The following PRKDC variants were observed in gnomAD, a reference collection of about 807,000 sequenced individuals.
PRKDC encodes protein kinase, DNA-activated, catalytic subunit, also known as DNA-dependent protein kinase catalytic subunit.
PRKDC carries 82 observed loss-of-function variants against 486.9 expected under a neutral mutation model. The ratio of observed to expected loss-of-function variants is 0.17; its 90% CI spans 0.14 to 0.20. PRKDC has a LOEUF of 0.20. Among genes scored for constraint, PRKDC ranks in the 10% least tolerant of loss-of-function variants. PRKDC has a pLI of 1.00. For missense variants in PRKDC, 4,504 were observed against 5,038.2 expected (o/e 0.89, Z 3.21); for synonymous variants, 1,895 against 1,837.0 (o/e 1.03, Z -0.81).
intron 56 of PRKDC, among the ~76,000 whole-genome samples, chr8:47,837,706 G>A (rs930388158): frequency 2.6e-5 from 4 of 151,366 alleles, no homozygotes; most frequent in Admixed American, 6.6e-5. Flanking sequence ...AGTTTTCAAC[G>A]ATGAGTACAT....
At chr8:47,943,915 A>G (rs773170114) in intron 8 of PRKDC, 32 bp from the exon 9 acceptor site, 34 of 1,576,968 alleles carry the variant, frequency 2.2e-5, no homozygotes, top group Non-Finnish European at 2.9e-5. Flanking sequence ...CACCATCAGT[A>G]TTTGAAAGTC....
chr8:47,893,096 C>A (rs1279891269), intron 31 of PRKDC, 43 bp downstream of exon 31: 2 of 1,514,322 alleles, frequency 1.3e-6, no homozygotes, highest in East Asian at 2.4e-5. Context: ...CAGGGTGACT[C>A]TGGCAGCACG....
intron 68 of PRKDC, among the ~76,000 whole-genome samples, chr8:47,814,543 A>C (rs193073338): frequency 7.2e-4 from 110 of 152,316 alleles, no homozygotes; most frequent in Middle Eastern, 6.8e-3. Context: ...GCAGCAAATA[A>C]TTGGAAAATA....
chr8:47,944,987 G>T (rs2090507447), intron 7 of PRKDC, among the ~76,000 whole-genome samples: 1 of 152,226 alleles, frequency 6.6e-6, no homozygotes, highest in Admixed American at 6.5e-5. Context: ...TTCTATAAAG[G>T]CTTTCCAGAT....
chr8:47,858,650 T>A lies in PRKDC; in HGVS notation c.6346-15A>T. ...GGCACTGAATCCTAAAATAAAACAT[T>A]CAAAATTACCTTAAAACGTGGAATA... is the stretch of plus-strand genomic sequence containing the variant. On this transcript the variant is annotated splice_polypyrimidine_tract_variant and intron_variant, in intron 47 of 85. Transcript: ENST00000314191. The A allele has an allele frequency of 6.7e-7, 1 of 1,488,700 alleles. No individual in the cohort carries two copies. The highest frequency in any genetic ancestry group is 8.9e-7 in the Non-Finnish European group (1 of 1,117,446). The allele number at this position is 1,488,700 out of a possible 1,614,324, so 92.2% of individuals were successfully genotyped here.
intron 54 of PRKDC, 34 bp downstream of exon 54, chr8:47,849,120 G>A: frequency 6.2e-7 from 1 of 1,606,898 alleles, no homozygotes; most frequent in African/African-American, 1.3e-5. Context: ...TTATGAGCCA[G>A]TGGGACCCAA....
chr8:47,852,357 C>T (rs2088428014), intron 52 of PRKDC, among the ~76,000 whole-genome samples: 1 of 152,084 alleles, frequency 6.6e-6, no homozygotes, highest in African/African-American at 2.4e-5. Flanking sequence ...CAATTTCCTC[C>T]ACAAGGAAAT....
chr8:47,878,207 G>T (rs1213781433), intron 39 of PRKDC, among the ~76,000 whole-genome samples: 1 of 148,698 alleles, frequency 6.7e-6, no homozygotes, highest in African/African-American at 2.5e-5. Flanking sequence ...CAGGTTTCAC[G>T]CCATTATCCT....
At position 47,861,804 on chromosome 8, in the gene PRKDC, G is replaced by A. The variant is rs560201781; in HGVS notation, c.5985+258C>T. 6.6e-5 allele frequency among the ~76,000 whole-genome samples: 10 copies of A among 152,246 alleles called. No individual in the cohort carries two copies. In the South Asian group the frequency reaches 2.1e-3, roughly 32 times the overall value. On this transcript the variant is annotated intron_variant, in intron 44 of 85. Transcript: ENST00000314191. ...CAATTCACTTAGAAAACAACTTCTG[G>A]GATATGTCCTAACACTTCCTTTTAC... is the stretch of plus-strand genomic sequence containing the variant.
intron 11 of PRKDC, among the ~76,000 whole-genome samples, chr8:47,939,226 C>T (rs1389464181): frequency 6.6e-6 from 1 of 152,208 alleles, no homozygotes; most frequent in Non-Finnish European, 1.5e-5. Flanking sequence ...CAGTGACCCT[C>T]AGTACATGCG....
chr8:47,904,007 T>C (rs2089729091), intron 26 of PRKDC, among the ~76,000 whole-genome samples: 1 of 152,142 alleles, frequency 6.6e-6, no homozygotes. Flanking sequence ...GCCAGCAGCA[T>C]AACCAGGGCT....
intron 67 of PRKDC, 99 bp downstream of exon 67, chr8:47,819,303 C>T (rs1009035379): frequency 2.8e-6 from 2 of 708,080 alleles, no homozygotes; most frequent in Non-Finnish European, 4.6e-6. Flanking sequence ...CCAACCCATA[C>T]ATTAAGAAAC....
intron 72 of PRKDC, 138 bp from the exon 73 acceptor site, chr8:47,798,535 C>T (rs2087027802): frequency 1.1e-6 from 1 of 878,864 alleles, no homozygotes; most frequent in Non-Finnish European, 1.6e-6. Flanking sequence ...CCACTTTACA[C>T]CAACAAACAC....
chr8:47,786,923 T>G (rs1308564886), intron 76 of PRKDC, among the ~76,000 whole-genome samples: 1 of 151,732 alleles, frequency 6.6e-6, no homozygotes, highest in Non-Finnish European at 1.5e-5. Context: ...AAAGATGGGT[T>G]TCACCATGTT....
intron 36 of PRKDC, 54 bp downstream of exon 36, chr8:47,885,890 T>TCAAA (rs916908420): frequency 2.2e-4 from 344 of 1,553,220 alleles, no homozygotes; most frequent in African/African-American, 1.5e-3. Flanking sequence ...AGACTCTGTC[T>TCAAA]CAAACAAACA....
chr8:47,814,436 T>C (rs1173535939), intron 68 of PRKDC, among the ~76,000 whole-genome samples: 1 of 152,184 alleles, frequency 6.6e-6, no homozygotes, highest in Non-Finnish European at 1.5e-5. Context: ...TATCGGCAGA[T>C]GATATGATAG....
At chr8:47,944,208 G>A (rs866949738) in intron 7 of PRKDC, among the ~76,000 whole-genome samples, 179 bp from the exon 8 acceptor site, 2 of 152,096 alleles carry the variant, frequency 1.3e-5, no homozygotes, top group East Asian at 1.9e-4. Context: ...TTATGACTGC[G>A]AGAAAACAGA....
chr8:47,885,515 G>C (rs1317304611), intron 36 of PRKDC, among the ~76,000 whole-genome samples: 1 of 152,126 alleles, frequency 6.6e-6, no homozygotes. Context: ...TTAAAAGCAA[G>C]AGCTTTCAAC....
chr8:47,831,253 G>T (rs1326131484), intron 60 of PRKDC, among the ~76,000 whole-genome samples: 1 of 152,246 alleles, frequency 6.6e-6, no homozygotes, highest in East Asian at 1.9e-4. Context: ...CCCACTTCCA[G>T]GGCTTCACAC....
Sources: allele counts gnomAD v4.1 joint callset (sites outside exome capture counted in the v4.1 genomes callset), GRCh38; gene constraint gnomAD v4.1.1; transcripts MANE v1.5; gene names NCBI Gene and HGNC (gene_info 2026-07-23, HGNC 2026-07-21).